The following THSD7A variants were observed in gnomAD, a reference collection of about 807,000 sequenced individuals.
THSD7A encodes the protein thrombospondin type-1 domain-containing protein 7A.
In THSD7A, 96 loss-of-function variants were observed where a neutral mutation model predicts 231.3. The ratio of observed to expected loss-of-function variants is 0.41; its 90% CI spans 0.35 to 0.49. THSD7A has a LOEUF of 0.49. Among genes scored for constraint, THSD7A ranks in the 20% least tolerant of loss-of-function variants. The pLI is 0.05. For missense variants in THSD7A, 2,290 were observed against 2,070.2 expected (o/e 1.11, Z -2.06); for synonymous variants, 940 against 743.3 (o/e 1.26, Z -4.30).
At chr7:11,667,336 T>C (rs1452945206) in intron 1 of THSD7A, among the ~76,000 whole-genome samples, 2 of 151,974 alleles carry the variant, frequency 1.3e-5, no homozygotes, top group African/African-American at 4.8e-5. Flanking sequence ...TTTACAACCA[T>C]ACCACTTCTC....
chr7:11,825,322 G>A (rs1441664001), intron 1 of THSD7A, among the ~76,000 whole-genome samples: 2 of 152,192 alleles, frequency 1.3e-5, no homozygotes, highest in African/African-American at 4.8e-5. Context: ...CCAGAGAATT[G>A]ATCTAACTTA....
chr7:11,385,220 C>T (rs1447612764), intron 23 of THSD7A: 1 of 150,824 alleles, frequency 6.6e-6, no homozygotes, highest in African/African-American at 2.4e-5. Context: ...TCTTGATTGT[C>T]TAAAATGTGA....
At chr7:11,778,176 A>AAG (rs1157629362) in intron 1 of THSD7A, among the ~76,000 whole-genome samples, 2 of 147,874 alleles carry the variant, frequency 1.4e-5, no homozygotes, top group Non-Finnish European at 3.0e-5. Flanking sequence ...AAAAAAAAAA[A>AAG]AAGAAAGCCC....
At chr7:11,685,723 A>T (rs1780025732) in intron 1 of THSD7A, among the ~76,000 whole-genome samples, 1 of 151,920 alleles carries the variant, frequency 6.6e-6, no homozygotes, top group Non-Finnish European at 1.5e-5. Flanking sequence ...AGAATAACTG[A>T]TGTTGATGAG....
chr7:11,439,085 T>A (rs1011319573), intron 13 of THSD7A, among the ~76,000 whole-genome samples: 7 of 152,058 alleles, frequency 4.6e-5, no homozygotes, highest in Admixed American at 3.3e-4. Context: ...GTTCAATTAA[T>A]ATGGAATTCC....
At chr7:11,517,371 C>A (rs1788074924) in intron 6 of THSD7A, among the ~76,000 whole-genome samples, 1 of 152,050 alleles carries the variant, frequency 6.6e-6, no homozygotes. Flanking sequence ...AGCCACCATG[C>A]CCGGCCCCCA....
At chr7:11,732,999 G>A (rs1253460251) in intron 1 of THSD7A, among the ~76,000 whole-genome samples, 1 of 151,680 alleles carries the variant, frequency 6.6e-6, no homozygotes, top group Non-Finnish European at 1.5e-5. Flanking sequence ...AGCAGTATTT[G>A]GTAATGTTAC....
rs1422476564 is a variant in THSD7A, at chr7:11,374,937, G to A, written c.*857C>T. 1 of 151,980 alleles carries A rather than the reference G, an allele frequency of 6.6e-6. No homozygotes were observed. Among genetic ancestry groups the A allele is most frequent in the Non-Finnish European group, 1.5e-5 (1 of 67,966 alleles). 9.4% of individuals were successfully genotyped at this position (151,980 alleles called of 1,614,324 possible). On this transcript the variant is annotated 3_prime_UTR_variant, in exon 28 of 28. Coordinates refer to ENST00000423059, the MANE Select transcript of THSD7A (RefSeq NM_015204.3). ...GATGTCTTCATCCCACATGAAAAGAGGCAGTTTCTATGGCAATACTGGTTA... is the reference window on the plus strand; with the variant it reads ...GATGTCTTCATCCCACATGAAAAGAAGCAGTTTCTATGGCAATACTGGTTA...
At chr7:11,391,690 G>A (rs1782988265) in intron 23 of THSD7A, among the ~76,000 whole-genome samples, 1 of 152,224 alleles carries the variant, frequency 6.6e-6, no homozygotes, top group African/African-American at 2.4e-5. Context: ...CTAGCTAGGT[G>A]TCTTCCCAAA....
At chr7:11,712,172 T>G (rs748971838) in intron 1 of THSD7A, among the ~76,000 whole-genome samples, 115 of 151,128 alleles carry the variant, frequency 7.6e-4, no homozygotes, top group Non-Finnish European at 1.6e-3. Context: ...GTACAAACCA[T>G]AAATTTACCC....
At chr7:11,644,055 A>G (rs1782192339) in intron 1 of THSD7A, among the ~76,000 whole-genome samples, 1 of 151,998 alleles carries the variant, frequency 6.6e-6, no homozygotes, top group East Asian at 1.9e-4. Flanking sequence ...GACTAAAAAA[A>G]AAAAAAAACC....
chr7:11,767,398 C>T (rs1019162801), intron 1 of THSD7A, among the ~76,000 whole-genome samples: 17 of 152,084 alleles, frequency 1.1e-4, no homozygotes, highest in African/African-American at 3.1e-4. Context: ...TACTGTTTCT[C>T]AAACATACCA....
In THSD7A at chr7:11,372,394, C is replaced by T. The variant is rs986427736; in HGVS notation, c.*3400G>A. On this transcript the variant is annotated 3_prime_UTR_variant, in exon 28 of 28. Transcript: ENST00000423059. ...TGTCTTATATGTCAATAAATATTTG[C>T]CTTGTTAGAAGTAATTTGTGCTTTG... is the stretch of plus-strand genomic sequence containing the variant. 2.0e-5 allele frequency: 3 copies of T among 146,986 alleles called. No homozygotes were observed. The highest frequency in any genetic ancestry group is 7.6e-5 in the African/African-American group (3 of 39,612). The allele number at this position is 146,986 out of a possible 1,614,324, so 9.1% of individuals were successfully genotyped here. A position where few individuals can be genotyped will look rare whatever the true frequency, so the allele number is the denominator to read the frequency against.
At chr7:11,806,215 C>T (rs1784394212) in intron 1 of THSD7A, among the ~76,000 whole-genome samples, 1 of 152,188 alleles carries the variant, frequency 6.6e-6, no homozygotes, top group South Asian at 2.1e-4. Flanking sequence ...TCAGGAACTG[C>T]AGCTCCACTC....
At chr7:11,421,673 T>G (rs996982796) in intron 16 of THSD7A, among the ~76,000 whole-genome samples, 1 of 152,224 alleles carries the variant, frequency 6.6e-6, no homozygotes, top group Non-Finnish European at 1.5e-5. Flanking sequence ...AATGGACTAT[T>G]ACTTTAAATG....
At chr7:11,397,912 G>T (rs1413084444) in intron 23 of THSD7A, among the ~76,000 whole-genome samples, 1 of 152,224 alleles carries the variant, frequency 6.6e-6, no homozygotes, top group African/African-American at 2.4e-5. Context: ...GGATGCTAGA[G>T]AGGATGTGGA....
intron 4 of THSD7A, among the ~76,000 whole-genome samples, chr7:11,570,329 T>C (rs771263621): frequency 6.6e-6 from 1 of 152,108 alleles, no homozygotes; most frequent in Non-Finnish European, 1.5e-5. Context: ...AGTAGAATGA[T>C]AGTTACCAGA....
At chr7:11,420,986 T>C (rs1222967984) in intron 16 of THSD7A, among the ~76,000 whole-genome samples, 2 of 152,156 alleles carry the variant, frequency 1.3e-5, no homozygotes, top group Non-Finnish European at 2.9e-5. Context: ...GAATTGTATC[T>C]TGGAAGTAAC....
intron 6 of THSD7A, among the ~76,000 whole-genome samples, chr7:11,519,259 C>T (rs1008730371): frequency 2.0e-5 from 3 of 152,108 alleles, no homozygotes; most frequent in Non-Finnish European, 2.9e-5. Context: ...TGAACTGCCC[C>T]GCGCCATCAC....
Sources: gnomAD v4.1 joint callset for allele counts (sites outside exome capture counted in the v4.1 genomes callset) on GRCh38, gnomAD v4.1.1 for gene constraint, MANE v1.5 for transcripts, NCBI Gene and HGNC (gene_info 2026-07-23, HGNC 2026-07-21) for gene names.